Variants in NRXN3 observed in about 807,000 individuals in gnomAD.
The protein encoded by NRXN3 is neurexin III.
In NRXN3, 32 loss-of-function variants were observed where a neutral mutation model predicts 137.6. The ratio of observed to expected loss-of-function variants is 0.23; its 90% CI spans 0.18 to 0.31. NRXN3 has a LOEUF of 0.31. Ranked by LOEUF, NRXN3 falls within the 10% of genes least tolerant of loss-of-function variation. The pLI, the probability that NRXN3 is intolerant of heterozygous loss-of-function variation, is 1.00. For synonymous variants in NRXN3, 798 were observed against 784.5 expected, an observed-to-expected ratio of 1.02 and a Z score of -0.29; for missense variants, 1,574 against 2,062.5, an observed-to-expected ratio of 0.76 and a Z score of 4.59.
intron 15 of NRXN3, among the ~76,000 whole-genome samples, chr14:79,388,248 A>G (rs1264822320): frequency 6.6e-6 from 1 of 152,024 alleles, no homozygotes; most frequent in East Asian, 1.9e-4. Context: ...CCAAAACCTG[A>G]GCAGATGCCA....
At chr14:78,843,740 T>C (rs1460861139) in intron 10 of NRXN3, among the ~76,000 whole-genome samples, 3 of 152,128 alleles carry the variant, frequency 2.0e-5, no homozygotes, top group Non-Finnish European at 4.4e-5. Context: ...CCTGTAGGTT[T>C]GCTTTAGTAT....
chr14:78,321,874 A>C (rs971176531), intron 4 of NRXN3, among the ~76,000 whole-genome samples: 1 of 151,954 alleles, frequency 6.6e-6, no homozygotes, highest in Admixed American at 6.5e-5. Flanking sequence ...AGATTCAGAG[A>C]CCATGTTCCT....
At chr14:78,904,076 T>C (rs992175393) in intron 10 of NRXN3, among the ~76,000 whole-genome samples, 3 of 152,052 alleles carry the variant, frequency 2.0e-5, no homozygotes, top group Non-Finnish European at 2.9e-5. Context: ...CAGATGAAAC[T>C]GTGACTCATA....
chr14:78,660,245 A>T (rs1304857765), intron 6 of NRXN3, among the ~76,000 whole-genome samples: 1 of 136,930 alleles, frequency 7.3e-6, no homozygotes, highest in Non-Finnish European at 1.5e-5. Flanking sequence ...GTTGATGAAG[A>T]AGTAGATTTA....
intron 15 of NRXN3, among the ~76,000 whole-genome samples, chr14:79,172,446 G>A (rs112407144): frequency 9.9e-4 from 151 of 152,262 alleles, no homozygotes; most frequent in African/African-American, 3.4e-3. Context: ...AGAAAGGATG[G>A]AAGGTACGAA....
At chr14:78,606,704 G>A (rs936462670) in intron 4 of NRXN3, among the ~76,000 whole-genome samples, 1 of 152,150 alleles carries the variant, frequency 6.6e-6, no homozygotes, top group African/African-American at 2.4e-5. Flanking sequence ...GATGAAGCCA[G>A]GGCTTTCTTT....
chr14:78,200,870 C>T (rs912237528), intron 1 of NRXN3, among the ~76,000 whole-genome samples: 18 of 152,074 alleles, frequency 1.2e-4, no homozygotes, highest in East Asian at 9.7e-4. Context: ...GCAGGCACTT[C>T]GTTAAGGTGG....
At chr14:78,687,906 G>A (rs929796505) in intron 6 of NRXN3, among the ~76,000 whole-genome samples, 8 of 152,204 alleles carry the variant, frequency 5.3e-5, no homozygotes, top group Admixed American at 5.2e-4. Context: ...AGCCTACTCA[G>A]ACAGCAACAC....
chr14:78,615,417 G>A (rs552662935), intron 4 of NRXN3, among the ~76,000 whole-genome samples: 2 of 149,146 alleles, frequency 1.3e-5, no homozygotes, highest in African/African-American at 2.5e-5. Context: ...TAGCTAACAC[G>A]GTGAAACCCC....
chr14:78,896,399 A>G (rs7160771), intron 10 of NRXN3, among the ~76,000 whole-genome samples: 20,512 of 151,922 alleles, frequency 0.14, 1,769 homozygotes, highest in Non-Finnish European at 0.19. Flanking sequence ...AGAATTAGTT[A>G]AACATGGTGA....
intron 15 of NRXN3, among the ~76,000 whole-genome samples, chr14:79,132,171 A>C (rs1309528237): frequency 6.6e-6 from 1 of 152,234 alleles, no homozygotes; most frequent in Non-Finnish European, 1.5e-5. Context: ...TGTAGACCAG[A>C]GCTGTTCCTA....
chr14:78,263,277 T>C (rs2071086863), intron 2 of NRXN3, among the ~76,000 whole-genome samples: 1 of 152,238 alleles, frequency 6.6e-6, no homozygotes, highest in Admixed American at 6.5e-5. Context: ...TAGCTTCGTT[T>C]CCTTTAGGAG....
At position 79,231,612 on chromosome 14, in the gene NRXN3, T is replaced by C. The variant is rs117384506; in HGVS notation, c.3263-235609T>C. Among the ~76,000 whole-genome samples the C allele has an allele frequency of 8.5e-5, 13 of 152,300 alleles. No homozygotes were observed. In the East Asian group the frequency reaches 2.5e-3, roughly 29 times the overall value. On this transcript the variant is annotated intron_variant, in intron 15 of 20. Coordinates refer to ENST00000335750, the MANE Select transcript of NRXN3 (RefSeq NM_001330195.2). The stretch of plus-strand genomic sequence containing the variant: ...AGACTTAAGGACTAAGGTTACCATG[T>C]AGCTCAGAGCTGAAAGGTAAGAGTC...
chr14:78,410,338 A>G (rs1466154348), intron 4 of NRXN3, among the ~76,000 whole-genome samples: 1 of 152,238 alleles, frequency 6.6e-6, no homozygotes, highest in Admixed American at 6.5e-5. Context: ...TGGTCCCTCC[A>G]GGGCTAACAG....
At chr14:79,370,158 CA>C (rs1314779767) in intron 15 of NRXN3, among the ~76,000 whole-genome samples, 2 of 152,098 alleles carry the variant, frequency 1.3e-5, no homozygotes, top group African/African-American at 2.4e-5. Flanking sequence ...AGAACAGCCC[CA>C]ATTTATTGAG....
chr14:78,611,425 C>CT (rs35934245), intron 4 of NRXN3, among the ~76,000 whole-genome samples: 3,099 of 146,100 alleles, frequency 0.021, 59 homozygotes, highest in Non-Finnish European at 0.03. Context: ...TTTCCCTCCT[C>CT]TTTTTTTTTT....
chr14:78,802,400 G>A (rs922930760), intron 8 of NRXN3, among the ~76,000 whole-genome samples: 4 of 152,140 alleles, frequency 2.6e-5, no homozygotes, highest in Admixed American at 2.0e-4. Context: ...GCGGGAGGTG[G>A]GAGGGATAGC....
At chr14:79,847,553 C>T (rs1470912942) in intron 20 of NRXN3, among the ~76,000 whole-genome samples, 1 of 152,092 alleles carries the variant, frequency 6.6e-6, no homozygotes, top group African/African-American at 2.4e-5. Context: ...AAGATTTTGT[C>T]CTAACTCATG....
At chr14:79,118,994 G>A (rs1413673251) in intron 15 of NRXN3, among the ~76,000 whole-genome samples, 2 of 152,062 alleles carry the variant, frequency 1.3e-5, no homozygotes, top group Non-Finnish European at 2.9e-5. Flanking sequence ...CCATCTGTAA[G>A]GTGTCTAAAG....
Sources: gnomAD v4.1 joint callset for allele counts (sites outside exome capture counted in the v4.1 genomes callset) on GRCh38, gnomAD v4.1.1 for gene constraint, MANE v1.5 for transcripts, NCBI Gene and HGNC (gene_info 2026-07-23, HGNC 2026-07-21) for gene names.